Variants in DIAPH1 observed in about 807,000 individuals in gnomAD.
The protein encoded by DIAPH1 is protein diaphanous homolog 1.
In DIAPH1, 46 loss-of-function variants were observed where a neutral mutation model predicts 140.7. That is an observed-to-expected ratio of 0.33 (90% confidence interval 0.26 to 0.42). The LOEUF is 0.42. DIAPH1 is among the 10% of genes least tolerant of loss of function. The pLI is 1.00. For missense variants in DIAPH1, 1,310 were observed against 1,558.7 expected (o/e 0.84, Z 2.69); for synonymous variants, 565 against 551.6 (o/e 1.02, Z -0.34).
At chr5:141,607,019 G>T (rs182530952) in intron 1 of DIAPH1, among the ~76,000 whole-genome samples, 2 of 146,754 alleles carry the variant, frequency 1.4e-5, no homozygotes, top group Middle Eastern at 3.6e-3. Context: ...AGATTCCCAA[G>T]GTTAACATTA....
chr5:141,605,873 C>T (rs994991411), intron 1 of DIAPH1, among the ~76,000 whole-genome samples: 8 of 152,166 alleles, frequency 5.3e-5, no homozygotes, highest in Non-Finnish European at 1.0e-4. Context: ...AGGAAACAGA[C>T]GTCACCCACA....
intron 1 of DIAPH1, among the ~76,000 whole-genome samples, chr5:141,609,422 T>G (rs1320202103): frequency 6.6e-6 from 1 of 152,190 alleles, no homozygotes; most frequent in Admixed American, 6.5e-5. Context: ...ATGTAGTGAG[T>G]AAGTCCATGA....
At chr5:141,590,985 A>G (rs376639962) in intron 1 of DIAPH1, among the ~76,000 whole-genome samples, 4 of 152,152 alleles carry the variant, frequency 2.6e-5, no homozygotes, top group African/African-American at 9.7e-5. Flanking sequence ...CAAGCTGTCC[A>G]TGTTATTTCT....
At position 141,518,968 on chromosome 5, in the gene DIAPH1, CTCT is replaced by C. The variant is rs972107302; in HGVS notation, c.3662-1963_3662-1961del. ...CCAATTTAAAGGTCTCCTCCTCCTC[CTCT>C]ACTTCCCAGGGGCACAAGAGGTTGT... On this transcript the variant is annotated intron_variant, in intron 27 of 27. Coordinates refer to ENST00000389054, the MANE Select transcript of DIAPH1 (RefSeq NM_005219.5). 13 of 1,550,706 alleles carry C rather than the reference CTCT, an allele frequency of 8.4e-6. No individual in the cohort carries two copies. The African/African-American group carries it at 1.8e-4, about 21-fold the overall frequency.
At chr5:141,581,977 A>G (rs1309856488) in intron 7 of DIAPH1, 6 of 209,758 alleles carry the variant, frequency 2.9e-5, no homozygotes, top group East Asian at 2.5e-4. Context: ...GGAGAATGGC[A>G]TGAATCCAGG....
At chr5:141,610,534 C>T (rs1304671378) in intron 1 of DIAPH1, among the ~76,000 whole-genome samples, 1 of 151,988 alleles carries the variant, frequency 6.6e-6, no homozygotes, top group African/African-American at 2.4e-5. Flanking sequence ...CTCTTCATCT[C>T]GTGATCCGCC....
intron 18 of DIAPH1, among the ~76,000 whole-genome samples, chr5:141,542,657 G>T (rs1169611593): frequency 6.6e-6 from 1 of 152,104 alleles, no homozygotes; most frequent in African/African-American, 2.4e-5. Context: ...TAAATCTATA[G>T]AGACACACAT....
intron 1 of DIAPH1, among the ~76,000 whole-genome samples, chr5:141,596,213 G>A (rs1254126801): frequency 2.0e-5 from 3 of 152,024 alleles, no homozygotes; most frequent in African/African-American, 7.2e-5. Context: ...CGCGTCTGTA[G>A]TGCCAGCTAC....
intron 1 of DIAPH1, among the ~76,000 whole-genome samples, chr5:141,603,255 C>T (rs11741149): frequency 6.6e-6 from 1 of 152,202 alleles, no homozygotes; most frequent in Non-Finnish European, 1.5e-5. Flanking sequence ...CACAGCTAAA[C>T]TAAGCACTGG....
intron 19 of DIAPH1, among the ~76,000 whole-genome samples, chr5:141,534,073 C>T (rs892782025): frequency 6.8e-6 from 1 of 147,018 alleles, no homozygotes; most frequent in Non-Finnish European, 1.5e-5. Context: ...AAATCCCAGA[C>T]CTCCTTCTTA....
At chr5:141,554,284 C>T (rs1169533089) in intron 18 of DIAPH1, among the ~76,000 whole-genome samples, 1 of 151,828 alleles carries the variant, frequency 6.6e-6, no homozygotes, top group Non-Finnish European at 1.5e-5. Flanking sequence ...TCCCCACCCG[C>T]TCCCCCCAAA....
At chr5:141,543,184 T>C (rs925107345) in intron 18 of DIAPH1, among the ~76,000 whole-genome samples, 12 of 152,022 alleles carry the variant, frequency 7.9e-5, no homozygotes, top group Admixed American at 5.9e-4. Context: ...AAATGTGGTG[T>C]CATAAAAAGG....
chr5:141,522,093 C>A, intron 27 of DIAPH1, among the ~76,000 whole-genome samples: 1 of 152,176 alleles, frequency 6.6e-6, no homozygotes, highest in Non-Finnish European at 1.5e-5. Flanking sequence ...GACCGCATCA[C>A]ATCACTTTAC....
chr5:141,618,770 G>A, intron 1 of DIAPH1, 28 bp downstream of exon 1: 1 of 1,497,388 alleles, frequency 6.7e-7, no homozygotes, highest in Non-Finnish European at 9.1e-7. Context: ...ACGGGGCCAG[G>A]CAGGAGCGGG....
chr5:141,548,516 T>C (rs1016913133), intron 18 of DIAPH1, among the ~76,000 whole-genome samples: 24 of 152,280 alleles, frequency 1.6e-4, no homozygotes, highest in South Asian at 1.0e-3. Context: ...GTAAAAATAT[T>C]TGTGGGGTTT....
At chr5:141,536,602 A>G (rs1596345655) in intron 18 of DIAPH1, among the ~76,000 whole-genome samples, 1 of 152,278 alleles carries the variant, frequency 6.6e-6, no homozygotes, top group African/African-American at 2.4e-5. Context: ...TGACGGGGGC[A>G]GTTTACAATT....
intron 27 of DIAPH1, among the ~76,000 whole-genome samples, chr5:141,519,506 G>A (rs965577171): frequency 2.0e-5 from 3 of 152,152 alleles, no homozygotes; most frequent in Admixed American, 6.5e-5. Flanking sequence ...GGTCCCATGT[G>A]GTAGGTCTTT....
Position 141,603,569 on chromosome 5 carries a change from A to G in DIAPH1, c.117+15229T>C, listed in dbSNP as rs1443075155. Among the ~76,000 whole-genome samples, 3 of 152,214 alleles carry G rather than the reference A, an allele frequency of 2.0e-5. No homozygotes were observed. The East Asian group carries it at 5.8e-4, about 29-fold the overall frequency. On this transcript the variant is annotated intron_variant, in intron 1 of 27. Transcript: ENST00000389054. Reference sequence around the variant, plus strand: ...CAGTGGCCAGTGTCAAGCACAAGTTAGAAATGCCGTATAAAGAACAGTAGT... The same window carrying G: ...CAGTGGCCAGTGTCAAGCACAAGTTGGAAATGCCGTATAAAGAACAGTAGT...
chr5:141,595,893 A>T (rs935102075), intron 1 of DIAPH1, among the ~76,000 whole-genome samples: 2 of 152,326 alleles, frequency 1.3e-5, no homozygotes, highest in South Asian at 4.1e-4. Flanking sequence ...GCTTAAAAAA[A>T]TTTTTAGGGA....
Sources: gnomAD v4.1 joint callset for allele counts (sites outside exome capture counted in the v4.1 genomes callset) on GRCh38, gnomAD v4.1.1 for gene constraint, MANE v1.5 for transcripts, NCBI Gene and HGNC (gene_info 2026-07-23, HGNC 2026-07-21) for gene names.